The following LRIG1 variants were observed in gnomAD, a reference collection of about 807,000 sequenced individuals.
LRIG1 encodes leucine-rich repeats and immunoglobulin-like domains protein 1.
A neutral mutation model predicts 99.2 loss-of-function variants in LRIG1; 48 were observed. The ratio of observed to expected loss-of-function variants is 0.48; its 90% CI spans 0.38 to 0.62. The LOEUF (loss-of-function observed/expected upper bound fraction) is 0.62, where lower values mean the gene tolerates loss of function less well. Ranked by LOEUF, LRIG1 falls within the 20% of genes least tolerant of loss-of-function variation. The pLI, the probability that LRIG1 is intolerant of heterozygous loss-of-function variation, is 0.00. For missense variants in LRIG1, 1,646 were observed against 1,434.4 expected (o/e 1.15, Z -2.38); for synonymous variants, 772 against 596.1 (o/e 1.29, Z -4.30).
chr3:66,460,046 TGA>T (rs1199947501), intron 2 of LRIG1, among the ~76,000 whole-genome samples: 2 of 152,158 alleles, frequency 1.3e-5, no homozygotes, highest in East Asian at 3.9e-4. Flanking sequence ...TCTTGACTGC[TGA>T]GTCTTTGGTG....
intron 9 of LRIG1, among the ~76,000 whole-genome samples, chr3:66,403,077 G>C (rs1311787587): frequency 1.3e-5 from 2 of 152,128 alleles, no homozygotes; most frequent in Non-Finnish European, 2.9e-5. Context: ...TACCATGCTA[G>C]GTAGACGGAG....
intron 1 of LRIG1, among the ~76,000 whole-genome samples, chr3:66,489,907 C>T (rs1701064092): frequency 6.6e-6 from 1 of 152,134 alleles, no homozygotes. Flanking sequence ...TGGGCAAGCA[C>T]CCCTTTAAGA....
chr3:66,381,739 T>TTCTTCAGAGCGGTGG (rs1465064458), intron 16 of LRIG1, 108 bp from the exon 17 acceptor site: 1 of 1,284,256 alleles, frequency 7.8e-7, no homozygotes, highest in Non-Finnish European at 1.1e-6. Context: ...TTTTAAAAAG[T>TTCTTCAGAGCGGTGG]TCTTCAGAGC....
rs117931398 is a variant in LRIG1, at chr3:66,405,277, C to G, written c.1081G>C (p.Asp361His). The G allele has an allele frequency of 7.1e-5, 114 of 1,613,684 alleles. No homozygotes were observed. In the East Asian group the frequency reaches 2.3e-3, roughly 32 times the overall value. The change falls in exon 9 of 19, where the codon GAT becomes CAT. Residue 361 changes from aspartate to histidine, a missense_variant and splice_region_variant. By Grantham distance (81) the Asp-to-His change is moderately conservative. Transcript: ENST00000273261. The part of the protein sequence containing the change: ...FKGLRSLRVL[D>H]LDHNEISGTI... ...CCCGAAATCTCGTTATGGTCCAGAT[C>G]CCTGGGGAGAGGACAGAAAGCAGCT... is the stretch of plus-strand genomic sequence containing the variant.
Position 66,381,521 on chromosome 3 carries a change from C to G in LRIG1, c.2728G>C (p.Ala910Pro). The change falls in exon 17 of 19, where the codon GCG (alanine) becomes CCG (proline). Residue 910 changes from alanine (A) to proline (P), a missense_variant. Ala to Pro is a conservative substitution (Grantham distance 27). Coordinates refer to ENST00000273261, the MANE Select transcript of LRIG1 (RefSeq NM_015541.3). ...GSAYHKEPWK[A>P]MEKAEGTPGP... The stretch of plus-strand genomic sequence containing the variant: ...GGTGTCCCTTCAGCTTTCTCCATCG[C>G]TTTCCACGGCTCTTTGTGATACGCA... 1 of 1,614,066 alleles carries G rather than the reference C, an allele frequency of 6.2e-7. No individual in the cohort carries two copies. Among genetic ancestry groups the G allele is most frequent in the Non-Finnish European group, 8.5e-7 (1 of 1,179,920 alleles).
intron 9 of LRIG1, chr3:66,404,312 C>T: frequency 1.6e-6 from 2 of 1,288,946 alleles, no homozygotes; most frequent in Non-Finnish European, 2.0e-6. Flanking sequence ...GCTGAGCTCC[C>T]CGTCACTGGG....
At chr3:66,434,458 A>C (rs1703277254) in intron 3 of LRIG1, among the ~76,000 whole-genome samples, 1 of 152,166 alleles carries the variant, frequency 6.6e-6, no homozygotes, top group South Asian at 2.1e-4. Context: ...AAAAAATACA[A>C]CACCACGGTC....
chr3:66,464,546 G>A (rs150866561), intron 1 of LRIG1, among the ~76,000 whole-genome samples: 181 of 151,616 alleles, frequency 1.2e-3, no homozygotes, highest in African/African-American at 4.2e-3. Flanking sequence ...CATATCTGCA[G>A]GCCCCATTTG....
At position 66,380,047 on chromosome 3, in the gene LRIG1, T is replaced by G. The variant is rs531392346; in HGVS notation, c.*216A>C. The G allele has an allele frequency of 4.4e-6, 2 of 458,434 alleles. No individual in the cohort carries two copies. The highest frequency in any genetic ancestry group is 7.4e-5 in the Admixed American group (2 of 26,908). 28.4% of individuals were successfully genotyped at this position (458,434 alleles called of 1,614,324 possible). On this transcript the variant is annotated 3_prime_UTR_variant, in exon 19 of 19. Coordinates refer to ENST00000273261, the MANE Select transcript of LRIG1 (RefSeq NM_015541.3). ...TATATGAAATCTCTGAAAACTCTTA[T>G]GTACAATGATATCAAATACTTTTTT...
chr3:66,453,797 T>A (rs1447219183), intron 2 of LRIG1, among the ~76,000 whole-genome samples: 1 of 152,208 alleles, frequency 6.6e-6, no homozygotes, highest in Non-Finnish European at 1.5e-5. Flanking sequence ...TCAGCCAGCT[T>A]AGGATCTCAC....
At chr3:66,397,835 T>C (rs954372221) in intron 11 of LRIG1, among the ~76,000 whole-genome samples, 2 of 152,238 alleles carry the variant, frequency 1.3e-5, no homozygotes, top group African/African-American at 2.4e-5. Context: ...TTGCCTAGAA[T>C]AGTGGTTAGC....
intron 3 of LRIG1, among the ~76,000 whole-genome samples, chr3:66,423,791 T>G (rs1432746419): frequency 6.6e-6 from 1 of 152,154 alleles, no homozygotes; most frequent in Non-Finnish European, 1.5e-5. Flanking sequence ...CTCACAGGTG[T>G]GAACCTCAGA....
At chr3:66,449,189 G>C (rs1232374632) in intron 3 of LRIG1, among the ~76,000 whole-genome samples, 2 of 152,218 alleles carry the variant, frequency 1.3e-5, no homozygotes, top group Non-Finnish European at 2.9e-5. Flanking sequence ...AAGGCATGAA[G>C]CATTATCAAT....
intron 3 of LRIG1, among the ~76,000 whole-genome samples, chr3:66,445,396 C>G (rs945649226): frequency 1.3e-5 from 2 of 152,056 alleles, no homozygotes; most frequent in Non-Finnish European, 2.9e-5. Context: ...GACCTATATA[C>G]TTGTTTTCAT....
intron 1 of LRIG1, among the ~76,000 whole-genome samples, chr3:66,489,351 C>G (rs530399149): frequency 2.6e-5 from 4 of 152,130 alleles, no homozygotes; most frequent in African/African-American, 9.7e-5. Flanking sequence ...CAGCAAGATC[C>G]CATCTTCACA....
At position 66,380,509 on chromosome 3, in the gene LRIG1, C is replaced by G. The variant is rs1303684458; in HGVS notation, c.3056-20G>C. The G allele has an allele frequency of 6.2e-7, 1 of 1,614,018 alleles. No homozygotes were observed. Among genetic ancestry groups the G allele is most frequent in the Non-Finnish European group, 8.5e-7 (1 of 1,179,884 alleles). On this transcript the variant is annotated intron_variant, in intron 18 of 18. Coordinates refer to ENST00000273261, the MANE Select transcript of LRIG1 (RefSeq NM_015541.3). Reference sequence around the variant, plus strand: ...AATCCCCTACAAGGAAAGAACGAACCTGTCAGACCCCCACTTGACCGTTTA... The same window carrying G: ...AATCCCCTACAAGGAAAGAACGAACGTGTCAGACCCCCACTTGACCGTTTA...
chr3:66,469,106 C>G (rs563380197), intron 1 of LRIG1: 1 of 152,280 alleles, frequency 6.6e-6, no homozygotes, highest in Admixed American at 6.5e-5. Context: ...AATCATTCCT[C>G]TAGTATCCTA....
chr3:66,458,030 A>C (rs1700269622), intron 2 of LRIG1, among the ~76,000 whole-genome samples: 1 of 152,186 alleles, frequency 6.6e-6, no homozygotes, highest in African/African-American at 2.4e-5. Flanking sequence ...TTTGAGTTCA[A>C]CTCTCAGCTT....
intron 9 of LRIG1, among the ~76,000 whole-genome samples, chr3:66,401,235 A>G (rs536234734): frequency 2.6e-5 from 4 of 152,312 alleles, no homozygotes; most frequent in Non-Finnish European, 5.9e-5. Context: ...ACACACAGAA[A>G]AGCTGATGGC....
Sources: allele counts gnomAD v4.1 joint callset (sites outside exome capture counted in the v4.1 genomes callset), GRCh38; gene constraint gnomAD v4.1.1; transcripts MANE v1.5; gene names NCBI Gene and HGNC (gene_info 2026-07-23, HGNC 2026-07-21).